The following KLHDC7A variants were observed in gnomAD, a reference collection of about 807,000 sequenced individuals.
The protein encoded by KLHDC7A is kelch domain containing 7A, also known as kelch domain-containing protein 7A.
For synonymous variants in KLHDC7A, 464 were observed against 461.0 expected, an observed-to-expected ratio of 1.01 and a Z score of -0.08; for missense variants, 1,123 against 1,052.6, an observed-to-expected ratio of 1.07 and a Z score of -0.93.
rs1339011931 is a variant in KLHDC7A at position 18,481,582 on chromosome 1, C to T, written c.601C>T (p.Gln201Ter). The T allele has an allele frequency of 6.8e-6, 11 of 1,613,634 alleles. No individual in the cohort carries two copies. Among genetic ancestry groups the T allele is most frequent in the Middle Eastern group, 3.3e-4 (2 of 6,084 alleles). Residue 201 changes from glutamine to a stop codon, truncating the protein, a stop_gained, in exon 1 of 1, where the codon CAA becomes TAA. Coordinates refer to ENST00000400664, the MANE Select transcript of KLHDC7A (RefSeq NM_152375.3). LOFTEE classifies it low-confidence loss of function (END_TRUNC). ...SKPREHPGLG[Q>*]LEPPHCHYVA... ...ACCCCGTGAGCATCCAGGACTGGGGCAACTAGAACCTCCCCACTGTCACTA... is the reference window on the plus strand; with the variant it reads ...ACCCCGTGAGCATCCAGGACTGGGGTAACTAGAACCTCCCCACTGTCACTA...
Position 18,483,256 on chromosome 1 carries a change from A to T in KLHDC7A, c.2275A>T (p.Thr759Ser). The change falls in exon 1 of 1, where the codon ACC (threonine) becomes TCC (serine). Residue 759 changes from threonine to serine, a missense_variant. Coordinates refer to ENST00000400664, the MANE Select transcript of KLHDC7A (RefSeq NM_152375.3). ...GCGGAGTTTCCCGGCCCCGCAGGGCACCCTCCTGCCCACCGTCCTGACCTT... is the reference window on the plus strand; with the variant it reads ...GCGGAGTTTCCCGGCCCCGCAGGGCTCCCTCCTGCCCACCGTCCTGACCTT... ...ELRSFPAPQG[T>S]LLPTVLTLPT... 6.2e-7 allele frequency: 1 copy of T among 1,612,624 alleles called. No individual in the cohort carries two copies. Among genetic ancestry groups the T allele is most frequent in the African/African-American group, 1.3e-5 (1 of 74,652 alleles).
Position 18,483,059 on chromosome 1 carries a change from A to G in KLHDC7A, c.2078A>G (p.Tyr693Cys), listed in dbSNP as rs1243019931. ...DLNRSLGIAV[Y>C]RCSASTRLWY... is the part of the protein sequence containing the mutation. Reference sequence around the variant, plus strand: ...AACCGCAGCCTGGGCATCGCCGTGTACCGCTGCAGCGCCAGCACCCGGCTC... The same window carrying G: ...AACCGCAGCCTGGGCATCGCCGTGTGCCGCTGCAGCGCCAGCACCCGGCTC... Residue 693 changes from tyrosine to cysteine, a missense_variant, in exon 1 of 1, where the codon TAC (tyrosine) becomes TGC (cysteine). Transcript: ENST00000400664. 4 of 1,613,536 alleles carry G rather than the reference A, an allele frequency of 2.5e-6. No individual in the cohort carries two copies. In the South Asian group the frequency reaches 4.4e-5, roughly 18 times the overall value.
Position 18,482,091 on chromosome 1 carries a change from G to A in KLHDC7A, c.1110G>A (p.Ala370=), listed in dbSNP as rs1225684661. 4.3e-6 allele frequency: 7 copies of A among 1,612,420 alleles called. No homozygotes were observed. The African/African-American group carries it at 5.3e-5, about 12-fold the overall frequency. Residue 370 remains alanine (A), a synonymous_variant, in exon 1 of 1, where the codon GCG becomes GCA. Coordinates refer to ENST00000400664, the MANE Select transcript of KLHDC7A (RefSeq NM_152375.3). ...GGAAGGAGAGCCTTCTGCAGATAGC[G>A]GAGAACCCAGAGCTGCAGCTGCAGC... ...FSRKESLLQI[A]ENPELQLQPD...
Position 18,483,796 on chromosome 1 carries a change from C to G in KLHDC7A, c.*481C>G, listed in dbSNP as rs537933221. On this transcript the variant is annotated 3_prime_UTR_variant, in exon 1 of 1. Coordinates refer to ENST00000400664, the MANE Select transcript of KLHDC7A (RefSeq NM_152375.3). ...CCACCTCCACAGTTCCCAGAAGCAC[C>G]GGGACACACAGGTGGGAAAGATGGA... 7 of 1,212,592 alleles carry G rather than the reference C, an allele frequency of 5.8e-6. No homozygotes were observed. The highest frequency in any genetic ancestry group is 3.5e-5 in the Admixed American group (1 of 28,346). 75.1% of individuals were successfully genotyped at this position (1,212,592 alleles called of 1,614,324 possible).
chr1:18,481,805 T>C lies in KLHDC7A; in HGVS notation c.824T>C (p.Ile275Thr), dbSNP rs769916993. 4 of 1,613,966 alleles carry C rather than the reference T, an allele frequency of 2.5e-6. No individual in the cohort carries two copies. The highest frequency in any genetic ancestry group is 3.4e-6 in the Non-Finnish European group (4 of 1,180,008). ...IARVRMEEHFIQKAEGVEPRL... is the reference protein window; with the variant it reads ...IARVRMEEHFTQKAEGVEPRL... ...CGCGTCCGAATGGAGGAGCATTTCA[T>C]ACAGAAGGCGGAGGGGGTTGAGCCC... is the stretch of plus-strand genomic sequence containing the variant. The change falls in exon 1 of 1, where the codon ATA becomes ACA. Residue 275 changes from isoleucine (I) to threonine (T), a missense_variant. Transcript: ENST00000400664.
In KLHDC7A at chr1:18,481,684, G is replaced by A; in HGVS notation, c.703G>A (p.Glu235Lys). 1 of 1,614,136 alleles carries A rather than the reference G, an allele frequency of 6.2e-7. No individual in the cohort carries two copies. Reference sequence around the variant, plus strand: ...CCGTGTGATAGGGGTCAGCAGAGAAGAGGCTGGGGCTCTCGAGGCTGCCTC... The same window carrying A: ...CCGTGTGATAGGGGTCAGCAGAGAAAAGGCTGGGGCTCTCGAGGCTGCCTC... ...FTRVIGVSRE[E>K]AGALEAASDV... The change falls in exon 1 of 1, where the codon GAG becomes AAG. Residue 235 changes from glutamate (E) to lysine (K), a missense_variant. Coordinates refer to ENST00000400664, the MANE Select transcript of KLHDC7A (RefSeq NM_152375.3).
In KLHDC7A at chr1:18,481,564, G is replaced by A. The variant is rs1447482917; in HGVS notation, c.583G>A (p.Glu195Lys). ...PSPWQDSKPR[E>K]HPGLGQLEPP... The stretch of plus-strand genomic sequence containing the variant: ...TCCATGGCAGGACAGTAAACCCCGT[G>A]AGCATCCAGGACTGGGGCAACTAGA... The change falls in exon 1 of 1, where the codon GAG (glutamate) becomes AAG (lysine). Residue 195 changes from glutamate (E) to lysine (K), a missense_variant. Glu to Lys is a moderately conservative substitution (Grantham distance 56). Transcript: ENST00000400664. 1 of 1,613,528 alleles carries A rather than the reference G, an allele frequency of 6.2e-7. No individual in the cohort carries two copies. The highest frequency in any genetic ancestry group is 1.1e-5 in the South Asian group (1 of 91,078).
At position 18,482,548 on chromosome 1, in the gene KLHDC7A, C is replaced by T. The variant is rs1369748561; in HGVS notation, c.1567C>T (p.Arg523Cys). ...DEQDVWRPLARMPPEAVSRGC... is the reference protein window; with the variant it reads ...DEQDVWRPLACMPPEAVSRGC... ...GCAGGATGTCTGGCGCCCGCTGGCTCGCATGCCCCCCGAGGCCGTGTCCCG... is the reference window on the plus strand; with the variant it reads ...GCAGGATGTCTGGCGCCCGCTGGCTTGCATGCCCCCCGAGGCCGTGTCCCG... The change falls in exon 1 of 1, where the codon CGC becomes TGC. Residue 523 changes from arginine to cysteine, a missense_variant. Coordinates refer to ENST00000400664, the MANE Select transcript of KLHDC7A (RefSeq NM_152375.3). 3 of 1,611,984 alleles carry T rather than the reference C, an allele frequency of 1.9e-6. No individual in the cohort carries two copies. The highest frequency in any genetic ancestry group is 2.2e-5 in the South Asian group (2 of 91,080).
In KLHDC7A at chr1:18,481,935, C is replaced by T; in HGVS notation, c.954C>T (p.Ser318=). ...PRTAALTEVP[S]PRPPPGSLGT... ...CAGCAGCCCTGACTGAGGTTCCATC[C>T]CCTAGGCCACCGCCAGGGTCCCTGG... The change falls in exon 1 of 1, where the codon TCC becomes TCT. Residue 318 remains serine, a synonymous_variant. Transcript: ENST00000400664. The T allele has an allele frequency of 6.2e-7, 1 of 1,613,276 alleles. No homozygotes were observed. The highest frequency in any genetic ancestry group is 2.2e-5 in the East Asian group (1 of 44,870).
chr1:18,481,795 G>A lies in KLHDC7A; in HGVS notation c.814G>A (p.Glu272Lys). The A allele has an allele frequency of 6.2e-7, 1 of 1,614,160 alleles. No homozygotes were observed. The highest frequency in any genetic ancestry group is 8.5e-7 in the Non-Finnish European group (1 of 1,180,032). Residue 272 changes from glutamate (E) to lysine (K), a missense_variant, in exon 1 of 1, where the codon GAG becomes AAG. Transcript: ENST00000400664. ...FSSIARVRME[E>K]HFIQKAEGVE... ...ATCCATAGCCCGCGTCCGAATGGAG[G>A]AGCATTTCATACAGAAGGCGGAGGG...
Position 18,483,406 on chromosome 1 carries a change from G to C in KLHDC7A, c.*91G>C, listed in dbSNP as rs1429350682. On this transcript the variant is annotated 3_prime_UTR_variant, in exon 1 of 1. Transcript: ENST00000400664. ...CTGGGGGCCATTTCTAGGCAAACAGGCAACCCAGGAATGTGGCCATCAAGA... is the reference window on the plus strand; with the variant it reads ...CTGGGGGCCATTTCTAGGCAAACAGCCAACCCAGGAATGTGGCCATCAAGA... The C allele has an allele frequency of 3.9e-6, 6 of 1,537,866 alleles. No homozygotes were observed. In the East Asian group the frequency reaches 9.1e-5, roughly 23 times the overall value.
rs958539326 is a variant in KLHDC7A, at chr1:18,481,506, A to C, written c.525A>C (p.Ala175=). The change falls in exon 1 of 1, where the codon GCA becomes GCC. Residue 175 remains alanine (A), a synonymous_variant. Transcript: ENST00000400664. The part of the protein sequence containing the change: ...PKSSPAGLIA[A]ADGSCAGGEP... ...GCTCCCCAGCTGGACTCATTGCAGC[A>C]GCCGACGGCAGCTGTGCCGGTGGTG... is the stretch of plus-strand genomic sequence containing the variant. The C allele has an allele frequency of 1.9e-6, 3 of 1,613,332 alleles. No homozygotes were observed. In the African/African-American group the frequency reaches 4.0e-5, roughly 22 times the overall value.
Position 18,483,075 on chromosome 1 carries a change from C to T in KLHDC7A, c.2094C>T (p.Ser698=), listed in dbSNP as rs1330033593. The part of the protein sequence containing the change: ...LGIAVYRCSA[S]TRLWYECATY... ...TCGCCGTGTACCGCTGCAGCGCCAG[C>T]ACCCGGCTCTGGTACGAGTGCGCCA... Residue 698 remains serine, a synonymous_variant, in exon 1 of 1, where the codon AGC becomes AGT. Coordinates refer to ENST00000400664, the MANE Select transcript of KLHDC7A (RefSeq NM_152375.3). 2 of 1,613,634 alleles carry T rather than the reference C, an allele frequency of 1.2e-6. No individual in the cohort carries two copies. The highest frequency in any genetic ancestry group is 1.3e-5 in the African/African-American group (1 of 74,946).
rs2086908515 is a variant in KLHDC7A at position 18,482,992 on chromosome 1, G to C, written c.2011G>C (p.Glu671Gln). 1.2e-6 allele frequency: 2 copies of C among 1,613,050 alleles called. No homozygotes were observed. The highest frequency in any genetic ancestry group is 2.7e-5 in the African/African-American group (2 of 74,938). Reference sequence around the variant, plus strand: ...CGGGGGCAGCAAGGACCGCACGGCCGAGATGGTGGCGGTCAACGGCTTTCT... The same window carrying C: ...CGGGGGCAGCAAGGACCGCACGGCCCAGATGGTGGCGGTCAACGGCTTTCT... ...PTGGSKDRTA[E>Q]MVAVNGFLYR... Residue 671 changes from glutamate (E) to glutamine (Q), a missense_variant, in exon 1 of 1, where the codon GAG becomes CAG. Transcript: ENST00000400664.
chr1:18,485,414 GGT>G lies in KLHDC7A; in HGVS notation c.*2103_*2104del, dbSNP rs1347888523. The G allele has an allele frequency of 6.0e-6, 1 of 166,260 alleles. No individual in the cohort carries two copies. Among genetic ancestry groups the G allele is most frequent in the East Asian group, 2.0e-4 (1 of 5,060 alleles). 10.3% of individuals were successfully genotyped at this position (166,260 alleles called of 1,614,324 possible). On this transcript the variant is annotated 3_prime_UTR_variant, in exon 1 of 1. Transcript: ENST00000400664. ...GTGTTCCAGGCCCCAGCTGATGGTG[GGT>G]GTGGTCTTCATAATGAGAGGTGGAG...
Position 18,481,202 on chromosome 1 carries a change from G to C in KLHDC7A, c.221G>C (p.Gly74Ala). ...GQPAVQEASPGVLLRGPRRRR... is the reference protein window; with the variant it reads ...GQPAVQEASPAVLLRGPRRRR... The stretch of plus-strand genomic sequence containing the variant: ...CCTGCTGTACAGGAGGCTTCTCCTG[G>C]GGTGCTCCTGAGGGGGCCAAGACGT... The change falls in exon 1 of 1, where the codon GGG (glycine) becomes GCG (alanine). Residue 74 changes from glycine (G) to alanine (A), a missense_variant. Coordinates refer to ENST00000400664, the MANE Select transcript of KLHDC7A (RefSeq NM_152375.3). The C allele has an allele frequency of 1.5e-5, 24 of 1,594,714 alleles. No individual in the cohort carries two copies. Among genetic ancestry groups the C allele is most frequent in the Non-Finnish European group, 2.1e-5 (24 of 1,169,922 alleles).
In KLHDC7A at chr1:18,482,842, G is replaced by A. The variant is rs2086906552; in HGVS notation, c.1861G>A (p.Asp621Asn). 6.2e-7 allele frequency: 1 copy of A among 1,611,416 alleles called. No homozygotes were observed. The highest frequency in any genetic ancestry group is 2.2e-5 in the East Asian group (1 of 44,848). The change falls in exon 1 of 1, where the codon GAC becomes AAC. Residue 621 changes from aspartate (D) to asparagine (N), a missense_variant. Transcript: ENST00000400664. ...GGACTTTGCCCCGCCGCTCCCCAGTGACACGTTCGCCCTGGCGCACACGGC... is the reference window on the plus strand; with the variant it reads ...GGACTTTGCCCCGCCGCTCCCCAGTAACACGTTCGCCCTGGCGCACACGGC... ...RWDFAPPLPS[D>N]TFALAHTATV...
chr1:18,482,432 T>C lies in KLHDC7A; in HGVS notation c.1451T>C (p.Leu484Pro). The C allele has an allele frequency of 3.7e-6, 6 of 1,609,578 alleles. No homozygotes were observed. Among genetic ancestry groups the C allele is most frequent in the Non-Finnish European group, 5.1e-6 (6 of 1,179,874 alleles). ...CLSGAERELILQRRLRGRQYL... is the reference protein window; with the variant it reads ...CLSGAERELIPQRRLRGRQYL... Reference sequence around the variant, plus strand: ...AGCGGGGCAGAGCGCGAGCTGATCCTGCAGCGCCGGCTCCGGGGCCGCCAG... The same window carrying C: ...AGCGGGGCAGAGCGCGAGCTGATCCCGCAGCGCCGGCTCCGGGGCCGCCAG... Residue 484 changes from leucine to proline, a missense_variant, in exon 1 of 1, where the codon CTG (leucine) becomes CCG (proline). By Grantham distance (98) the Leu-to-Pro change is moderately conservative (BLOSUM62 -3). Transcript: ENST00000400664.
rs1395170826 is a variant in KLHDC7A at position 18,484,530 on chromosome 1, C to A, written c.*1215C>A. 5.9e-6 allele frequency: 1 copy of A among 169,774 alleles called. No homozygotes were observed. Among genetic ancestry groups the A allele is most frequent in the Non-Finnish European group, 1.4e-5 (1 of 69,888 alleles). 10.5% of individuals were successfully genotyped at this position (169,774 alleles called of 1,614,324 possible). On this transcript the variant is annotated 3_prime_UTR_variant, in exon 1 of 1. Transcript: ENST00000400664. ...AAGCCAGGGGAGATGGGAGGTACAC[C>A]AGAGCAGGGCCTGACAAGGAAGAAA...
Sources: gnomAD v4.1 joint callset for allele counts on GRCh38, gnomAD v4.1.1 for gene constraint, MANE v1.5 for transcripts, NCBI Gene and HGNC (gene_info 2026-07-23, HGNC 2026-07-21) for gene names.